The following SHROOM3 variants were observed in gnomAD, a reference collection of about 807,000 sequenced individuals.
The protein encoded by SHROOM3 is shroom family member 3, also known as protein Shroom3.
SHROOM3 carries 47 observed loss-of-function variants against 138.6 expected under a neutral mutation model. The observed-to-expected ratio is 0.34, with a 90% confidence interval of 0.27 to 0.43. The LOEUF (loss-of-function observed/expected upper bound fraction) is 0.43. SHROOM3 is among the 20% of genes least tolerant of loss of function. The probability of loss-of-function intolerance (pLI) is 1.00; values close to 1 mark genes in which losing one functional copy is unlikely to be tolerated. For missense variants in SHROOM3, 2,491 were observed against 2,596.5 expected (o/e 0.96, Z 0.88); for synonymous variants, 1,062 against 1,063.3 (o/e 1.00, Z 0.02).
At chr4:76,722,194 A>G (rs1405266979) in intron 3 of SHROOM3, among the ~76,000 whole-genome samples, 1 of 152,202 alleles carries the variant, frequency 6.6e-6, no homozygotes, top group Non-Finnish European at 1.5e-5. Flanking sequence ...CAGCAGTGGC[A>G]TGTAAAAAGA....
intron 6 of SHROOM3, among the ~76,000 whole-genome samples, chr4:76,752,178 G>A (rs1028290770): frequency 2.0e-5 from 3 of 152,308 alleles, no homozygotes; most frequent in Non-Finnish European, 2.9e-5. Flanking sequence ...ATGACATTAC[G>A]TGAAGTGAAA....
chr4:76,608,961 T>C (rs1245929750), intron 2 of SHROOM3, among the ~76,000 whole-genome samples: 1 of 152,186 alleles, frequency 6.6e-6, no homozygotes, highest in Non-Finnish European at 1.5e-5. Context: ...CCAGCAGCAT[T>C]ACCTGGGAAC....
intron 1 of SHROOM3, among the ~76,000 whole-genome samples, chr4:76,473,117 A>G (rs1200113051): frequency 6.6e-6 from 1 of 152,250 alleles, no homozygotes; most frequent in African/African-American, 2.4e-5. Flanking sequence ...TACGATTTTT[A>G]TTTATCAGTA....
intron 2 of SHROOM3, among the ~76,000 whole-genome samples, chr4:76,556,816 A>G (rs1172604343): frequency 6.6e-6 from 1 of 152,194 alleles, no homozygotes; most frequent in Non-Finnish European, 1.5e-5. Flanking sequence ...ATGTTTCCTA[A>G]GTGAGCCCAT....
chr4:76,743,412 C>A (rs188595954), intron 5 of SHROOM3, among the ~76,000 whole-genome samples: 1 of 152,324 alleles, frequency 6.6e-6, no homozygotes, highest in Admixed American at 6.5e-5. Context: ...ACAAAGTCAT[C>A]ATGGAAATCA....
chr4:76,766,910 A>G (rs1185376279), intron 9 of SHROOM3, among the ~76,000 whole-genome samples: 1 of 152,180 alleles, frequency 6.6e-6, no homozygotes, highest in Non-Finnish European at 1.5e-5. Context: ...AGCCCAGCAA[A>G]TATTAATAAC....
chr4:76,651,423 T>TATAC (rs1186491084), intron 2 of SHROOM3, among the ~76,000 whole-genome samples: 1 of 98,622 alleles, frequency 1.0e-5, no homozygotes, highest in Non-Finnish European at 2.2e-5. Context: ...TATATATATA[T>TATAC]ATATATATAT....
chr4:76,563,418 G>T (rs115931892), intron 2 of SHROOM3, among the ~76,000 whole-genome samples: 2,400 of 152,300 alleles, frequency 0.016, 66 homozygotes, highest in African/African-American at 0.055. Context: ...TCTGGCGAAC[G>T]TAAGTTGAAA....
At chr4:76,616,976 A>T (rs1734896323) in intron 2 of SHROOM3, among the ~76,000 whole-genome samples, 1 of 152,266 alleles carries the variant, frequency 6.6e-6, no homozygotes. Flanking sequence ...AGCAAATCTC[A>T]GAAGTCAAAA....
intron 1 of SHROOM3, among the ~76,000 whole-genome samples, chr4:76,534,460 G>T (rs116376292): frequency 6.7e-4 from 102 of 152,088 alleles, no homozygotes; most frequent in African/African-American, 2.4e-3. Context: ...CCCACTTTTT[G>T]AGCTCCGTAG....
intron 2 of SHROOM3, among the ~76,000 whole-genome samples, chr4:76,699,181 G>A (rs561155619): frequency 6.6e-6 from 1 of 152,370 alleles, no homozygotes; most frequent in African/African-American, 2.4e-5. Context: ...GCAGAGATCA[G>A]ATTAGAACCC....
chr4:76,677,141 G>T (rs141710167), intron 2 of SHROOM3, among the ~76,000 whole-genome samples: 1 of 152,112 alleles, frequency 6.6e-6, no homozygotes, highest in Non-Finnish European at 1.5e-5. Context: ...TTAGACTTAC[G>T]AGGTAAAAAG....
chr4:76,505,359 G>A (rs1732187592), intron 1 of SHROOM3, among the ~76,000 whole-genome samples: 1 of 152,124 alleles, frequency 6.6e-6, no homozygotes, highest in African/African-American at 2.4e-5. Context: ...AATAGGTATT[G>A]AATTTTATCA....
At chr4:76,674,936 ACTAGT>A (rs1271997667) in intron 2 of SHROOM3, among the ~76,000 whole-genome samples, 1 of 152,122 alleles carries the variant, frequency 6.6e-6, no homozygotes, top group Non-Finnish European at 1.5e-5. Context: ...ACTGTGGCAT[ACTAGT>A]CTCTGGTCTT....
chr4:76,471,966 G>A (rs935808434), intron 1 of SHROOM3, among the ~76,000 whole-genome samples: 1 of 152,128 alleles, frequency 6.6e-6, no homozygotes, highest in Non-Finnish European at 1.5e-5. Flanking sequence ...GTATGATCAA[G>A]GGTGTTACTT....
intron 2 of SHROOM3, among the ~76,000 whole-genome samples, chr4:76,558,863 C>A (rs1733541413): frequency 6.6e-6 from 1 of 152,196 alleles, no homozygotes; most frequent in Non-Finnish European, 1.5e-5. Context: ...CTAGGATCCA[C>A]TCTGATGGCC....
At chr4:76,594,408 G>C (rs189071300) in intron 2 of SHROOM3, among the ~76,000 whole-genome samples, 1 of 152,144 alleles carries the variant, frequency 6.6e-6, no homozygotes, top group East Asian at 1.9e-4. Flanking sequence ...AGGGAGTGAG[G>C]GTGTGACATG....
chr4:76,619,216 A>G (rs1176845267), intron 2 of SHROOM3, among the ~76,000 whole-genome samples: 1 of 152,220 alleles, frequency 6.6e-6, no homozygotes, highest in East Asian at 1.9e-4. Flanking sequence ...TTTTTGAAGA[A>G]TATAATCCTC....
intron 2 of SHROOM3, among the ~76,000 whole-genome samples, chr4:76,656,750 C>T (rs991464574): frequency 1.3e-5 from 2 of 152,210 alleles, no homozygotes; most frequent in African/African-American, 2.4e-5. Flanking sequence ...ATGTCTGTCT[C>T]TTACCAGCTG....
Sources: allele counts gnomAD v4.1 joint callset (sites outside exome capture counted in the v4.1 genomes callset), GRCh38; gene constraint gnomAD v4.1.1; transcripts MANE v1.5; gene names NCBI Gene and HGNC (gene_info 2026-07-23, HGNC 2026-07-21).